CHRM5: variants seen among roughly 807,000 people sequenced by gnomAD.
CHRM5 encodes muscarinic acetylcholine receptor M5.
CHRM5 carries 18 observed loss-of-function variants against 39.0 expected under a neutral mutation model. The observed-to-expected ratio is 0.46, with a 90% CI of 0.32 to 0.68. CHRM5 has a LOEUF of 0.68. CHRM5 is among the 30% of genes least tolerant of loss of function. The pLI is 0.04. For synonymous variants in CHRM5, 241 were observed against 246.3 expected (o/e 0.98, Z 0.20); for missense variants, 515 against 651.1 (o/e 0.79, Z 2.28).
intron 1 of CHRM5, among the ~76,000 whole-genome samples, chr15:34,024,174 G>A (rs992247151): frequency 1.3e-5 from 2 of 152,096 alleles, no homozygotes; most frequent in African/African-American, 4.8e-5. Context: ...TTATAGCAGT[G>A]AACAAGACCA....
At chr15:34,039,157 A>G in intron 1 of CHRM5, 1 of 924,300 alleles carries the variant, frequency 1.1e-6, no homozygotes, top group Non-Finnish European at 1.3e-6. Flanking sequence ...GGCGCCCGGT[A>G]GCAGCGAGGC....
chr15:33,975,915 G>A (rs1895864402), intron 1 of CHRM5, among the ~76,000 whole-genome samples: 1 of 152,112 alleles, frequency 6.6e-6, no homozygotes, highest in Non-Finnish European at 1.5e-5. Context: ...GGGTGACAGA[G>A]TGACTATGTC....
chr15:34,060,980 T>C (rs888909780), intron 2 of CHRM5, among the ~76,000 whole-genome samples: 2 of 150,142 alleles, frequency 1.3e-5, no homozygotes, highest in Non-Finnish European at 2.9e-5. Flanking sequence ...AGCGCCACTG[T>C]ACTCCAGCTT....
chr15:34,023,008 A>T (rs568374777), intron 1 of CHRM5, among the ~76,000 whole-genome samples: 126 of 152,296 alleles, frequency 8.3e-4, no homozygotes, highest in African/African-American at 2.5e-3. Context: ...CAACATGGTG[A>T]AACCCCCATC....
intron 1 of CHRM5, among the ~76,000 whole-genome samples, chr15:34,002,355 AAT>A (rs1179435298): frequency 1.3e-5 from 2 of 151,172 alleles, no homozygotes. Context: ...GGAAATCACT[AAT>A]CTATCTTCCA....
intron 1 of CHRM5, among the ~76,000 whole-genome samples, chr15:34,008,798 C>G (rs1897492780): frequency 6.6e-6 from 1 of 152,118 alleles, no homozygotes; most frequent in African/African-American, 2.4e-5. Context: ...GATGAAAAAC[C>G]TTTATACATC....
At chr15:34,061,281 A>T (rs1040262438) in intron 2 of CHRM5, among the ~76,000 whole-genome samples, 25 of 152,122 alleles carry the variant, frequency 1.6e-4, no homozygotes, top group Admixed American at 1.6e-3. Context: ...CAAAGGGAAA[A>T]TTTCATTTTA....
intron 1 of CHRM5, among the ~76,000 whole-genome samples, chr15:34,034,812 C>G (rs937726957): frequency 3.3e-5 from 5 of 152,196 alleles, no homozygotes; most frequent in African/African-American, 1.2e-4. Context: ...TTACCAAGAA[C>G]TAATCTTAAA....
At chr15:34,031,557 G>T (rs140326548) in intron 1 of CHRM5, among the ~76,000 whole-genome samples, 1 of 152,142 alleles carries the variant, frequency 6.6e-6, no homozygotes, top group Admixed American at 6.5e-5. Context: ...AGACAGATTC[G>T]TATCAGTCCT....
intron 1 of CHRM5, among the ~76,000 whole-genome samples, chr15:34,025,232 G>A (rs962249664): frequency 5.9e-5 from 9 of 152,216 alleles, no homozygotes; most frequent in African/African-American, 2.2e-4. Flanking sequence ...AATATGAAGT[G>A]TGGGAGGGAA....
At chr15:34,042,594 G>T (rs994812092) in intron 1 of CHRM5, among the ~76,000 whole-genome samples, 1 of 151,442 alleles carries the variant, frequency 6.6e-6, no homozygotes, top group African/African-American at 2.4e-5. Context: ...GTAGAGACGG[G>T]GTTTCTCCAT....
chr15:34,038,953 C>T (rs1283861561), intron 1 of CHRM5: 1 of 1,102,204 alleles, frequency 9.1e-7, no homozygotes, highest in Non-Finnish European at 1.1e-6. Flanking sequence ...ACCGCCGCTG[C>T]GGCTCCGGGC....
In CHRM5 at chr15:34,066,610, GC is replaced by G. The variant is rs1900516783; in HGVS notation, c.*2296del. 2 of 152,216 alleles carry G rather than the reference GC, an allele frequency of 1.3e-5. No individual in the cohort carries two copies. The allele number at this position is 152,216 out of a possible 1,614,324, so 9.4% of individuals were successfully genotyped here. A position where few individuals can be genotyped will look rare whatever the true frequency, so the allele number is the denominator to read the frequency against. Reference sequence around the variant, plus strand: ...GCTTGACCCTAGGGGCTCAAGACCAGCCTGGCAACATAGGGAGACCCTGTCT... The same window carrying G: ...GCTTGACCCTAGGGGCTCAAGACCAGCTGGCAACATAGGGAGACCCTGTCT... On this transcript the variant is annotated 3_prime_UTR_variant, in exon 3 of 3. Transcript: ENST00000383263.
intron 1 of CHRM5, among the ~76,000 whole-genome samples, chr15:33,983,170 G>GTGTGTGTGTATA (rs796742277): frequency 7.9e-6 from 1 of 126,488 alleles, no homozygotes; most frequent in Admixed American, 8.5e-5. Context: ...ATGTGTGTGT[G>GTGTGTGTGTATA]TATATATACA....
At chr15:34,041,514 T>G (rs1259089566) in intron 1 of CHRM5, among the ~76,000 whole-genome samples, 1 of 152,304 alleles carries the variant, frequency 6.6e-6, no homozygotes, top group East Asian at 1.9e-4. Context: ...TCCAAAATTA[T>G]GAGGTTGAAA....
chr15:33,999,995 G>A (rs938918844), intron 1 of CHRM5, among the ~76,000 whole-genome samples: 11 of 152,108 alleles, frequency 7.2e-5, no homozygotes, highest in African/African-American at 4.8e-5. Flanking sequence ...ATTCGCTCAC[G>A]TTGCTTCTGC....
At chr15:34,038,927 G>GCCGCCGCCTCTGGCTA (rs1269073672) in intron 1 of CHRM5, 1 of 1,100,452 alleles carries the variant, frequency 9.1e-7, no homozygotes, top group Non-Finnish European at 1.1e-6. Context: ...CGCCGCCTCC[G>GCCGCCGCCTCTGGCTA]CCGCCGCCTC....
intron 1 of CHRM5, among the ~76,000 whole-genome samples, chr15:34,028,618 CA>C (rs1298292633): frequency 6.6e-6 from 1 of 151,982 alleles, no homozygotes; most frequent in Non-Finnish European, 1.5e-5. Context: ...GAGAGGACAG[CA>C]AAGTGGCAAA....
intron 1 of CHRM5, among the ~76,000 whole-genome samples, chr15:34,038,180 C>A (rs1169328374): frequency 1.3e-5 from 2 of 152,152 alleles, no homozygotes; most frequent in Admixed American, 6.5e-5. Flanking sequence ...CACATACAGG[C>A]ATAATAAAAG....
Sources: gnomAD v4.1 joint callset for allele counts (sites outside exome capture counted in the v4.1 genomes callset) on GRCh38, gnomAD v4.1.1 for gene constraint, MANE v1.5 for transcripts, NCBI Gene and HGNC (gene_info 2026-07-23, HGNC 2026-07-21) for gene names.